Variants in PTPN4 observed in about 807,000 individuals in gnomAD.
The protein encoded by PTPN4 is tyrosine-protein phosphatase non-receptor type 4.
A neutral mutation model predicts 135.5 loss-of-function variants in PTPN4; 49 were observed. The observed-to-expected ratio is 0.36, with a 90% CI of 0.29 to 0.46. The LOEUF (loss-of-function observed/expected upper bound fraction) is 0.46. Ranked by LOEUF, PTPN4 falls within the 20% of genes least tolerant of loss-of-function variation. The pLI is 1.00. For missense variants in PTPN4, 860 were observed against 1,101.0 expected (o/e 0.78, Z 3.10); for synonymous variants, 333 against 369.9 (o/e 0.90, Z 1.14).
intron 22 of PTPN4, among the ~76,000 whole-genome samples, chr2:119,957,499 C>T (rs1679305709): frequency 6.6e-6 from 1 of 151,948 alleles, no homozygotes; most frequent in Admixed American, 6.6e-5. Flanking sequence ...GTAACCATCC[C>T]CACCTCCCAC....
At chr2:119,894,328 T>C (rs1026404042) in intron 9 of PTPN4, among the ~76,000 whole-genome samples, 1 of 152,252 alleles carries the variant, frequency 6.6e-6, no homozygotes, top group Non-Finnish European at 1.5e-5. Flanking sequence ...ACTTTATCCA[T>C]GTCACTCTAC....
Position 119,868,199 on chromosome 2 carries a change from C to T in PTPN4, c.246+5556C>T, listed in dbSNP as rs191984836. 3.9e-5 allele frequency among the ~76,000 whole-genome samples: 6 copies of T among 152,242 alleles called. No individual in the cohort carries two copies. In the East Asian group the frequency reaches 9.6e-4, roughly 24 times the overall value. On this transcript the variant is annotated intron_variant, in intron 3 of 26. Coordinates refer to ENST00000263708, the MANE Select transcript of PTPN4 (RefSeq NM_002830.4). ...GACATTTAATAAATATTTAAAGATG[C>T]ATCCAGGAAATGCAAAGTAAAACCA...
intron 2 of PTPN4, among the ~76,000 whole-genome samples, chr2:119,843,592 G>A (rs542740943): frequency 5.0e-5 from 5 of 100,026 alleles, no homozygotes; most frequent in East Asian, 5.2e-4. Context: ...CTCACCTCCC[G>A]GACGGGGCGG....
chr2:119,892,650 A>C (rs1678256892), intron 9 of PTPN4, among the ~76,000 whole-genome samples: 1 of 152,174 alleles, frequency 6.6e-6, no homozygotes, highest in Admixed American at 6.5e-5. Flanking sequence ...TGTAGTGCGA[A>C]CAAGGAGAGG....
chr2:119,850,309 G>A (rs992009353), intron 2 of PTPN4, among the ~76,000 whole-genome samples: 14 of 152,130 alleles, frequency 9.2e-5, no homozygotes, highest in African/African-American at 3.1e-4. Context: ...TCCTTTACTT[G>A]ATTTGCCTCT....
At chr2:119,854,005 A>C (rs2104981761) in intron 2 of PTPN4, among the ~76,000 whole-genome samples, 1 of 152,288 alleles carries the variant, frequency 6.6e-6, no homozygotes, top group African/African-American at 2.4e-5. Context: ...AACGAAGAGG[A>C]AAACCCTGAG....
chr2:119,828,988 T>A (rs1677183681), intron 2 of PTPN4, among the ~76,000 whole-genome samples: 1 of 152,210 alleles, frequency 6.6e-6, no homozygotes, highest in Admixed American at 6.5e-5. Context: ...AGCTTTCCCC[T>A]GAAACTGGAA....
At chr2:119,883,833 G>A (rs1357263114) in intron 8 of PTPN4, among the ~76,000 whole-genome samples, 1 of 152,190 alleles carries the variant, frequency 6.6e-6, no homozygotes, top group African/African-American at 2.4e-5. Context: ...CTGAAGAAAT[G>A]TTAGCTGTTG....
At chr2:119,774,772 A>G (rs1690800025) in intron 1 of PTPN4, among the ~76,000 whole-genome samples, 1 of 152,148 alleles carries the variant, frequency 6.6e-6, no homozygotes, top group African/African-American at 2.4e-5. Flanking sequence ...TATGCCTATA[A>G]TCCCAGCACT....
intron 10 of PTPN4, among the ~76,000 whole-genome samples, chr2:119,909,132 T>C (rs543816408): frequency 6.6e-6 from 1 of 152,288 alleles, no homozygotes; most frequent in South Asian, 2.1e-4. Context: ...TCTAGCTGTC[T>C]GGCTAAGTGA....
At position 119,932,428 on chromosome 2, in the gene PTPN4, C is replaced by G; in HGVS notation, c.1075C>G (p.Pro359Ala). 1 of 1,602,442 alleles carries G rather than the reference C, an allele frequency of 6.2e-7. No individual in the cohort carries two copies. Among genetic ancestry groups the G allele is most frequent in the Non-Finnish European group, 8.5e-7 (1 of 1,174,332 alleles). ...TTATTTAATTTATTTCTGCAGATCCCCAAGTAAGCCCTTGGCACGGAAATT... is the reference window on the plus strand; with the variant it reads ...TTATTTAATTTATTTCTGCAGATCCGCAAGTAAGCCCTTGGCACGGAAATT... ...ANKDRVFARSPSKPLARKLMD... is the reference protein window; with the variant it reads ...ANKDRVFARSASKPLARKLMD... Residue 359 changes from proline to alanine, a missense_variant, in exon 14 of 27, where the codon CCA becomes GCA. Coordinates refer to ENST00000263708, the MANE Select transcript of PTPN4 (RefSeq NM_002830.4).
At chr2:119,972,948 G>A (rs1466131047) in intron 26 of PTPN4, among the ~76,000 whole-genome samples, 2 of 151,828 alleles carry the variant, frequency 1.3e-5, no homozygotes, top group Admixed American at 1.3e-4. Flanking sequence ...GATTTGATTT[G>A]CTAGCATTTT....
chr2:119,825,210 T>A (rs1223430302), intron 2 of PTPN4, among the ~76,000 whole-genome samples: 1 of 152,226 alleles, frequency 6.6e-6, no homozygotes, highest in Non-Finnish European at 1.5e-5. Flanking sequence ...TTAGAGTATG[T>A]TTCTGTAGAA....
intron 2 of PTPN4, among the ~76,000 whole-genome samples, chr2:119,860,767 G>A (rs140044419): frequency 1.2e-4 from 19 of 152,266 alleles, no homozygotes; most frequent in African/African-American, 2.4e-4. Context: ...TTGGCTAGGC[G>A]CGGTGGCTCA....
rs1166537876 is a variant in PTPN4, at chr2:119,980,419, G to A, written c.*3349G>A. 1 of 152,024 alleles carries A rather than the reference G, an allele frequency of 6.6e-6. No individual in the cohort carries two copies. The highest frequency in any genetic ancestry group is 1.9e-4 in the East Asian group (1 of 5,188). The allele number at this position is 152,024 out of a possible 1,614,324, so 9.4% of individuals were successfully genotyped here. A position where few individuals can be genotyped will look rare whatever the true frequency, so the allele number is the denominator to read the frequency against. ...CTCCACTAGAAGTACTGCAGCTTGA[G>A]AGCTGAAAGGAACTTGAAAAATGTT... is the stretch of plus-strand genomic sequence containing the variant. On this transcript the variant is annotated 3_prime_UTR_variant, in exon 27 of 27. Transcript: ENST00000263708.
intron 2 of PTPN4, among the ~76,000 whole-genome samples, chr2:119,813,239 G>A (rs573499428): frequency 1.3e-5 from 2 of 151,726 alleles, no homozygotes; most frequent in East Asian, 3.9e-4. Flanking sequence ...CACAGTGGCT[G>A]GTTTCTTTCT....
chr2:119,811,040 T>C (rs1691563758), intron 2 of PTPN4, among the ~76,000 whole-genome samples: 1 of 151,956 alleles, frequency 6.6e-6, no homozygotes, highest in African/African-American at 2.4e-5. Flanking sequence ...TTGAAATCTT[T>C]AAGTAATATA....
intron 1 of PTPN4, among the ~76,000 whole-genome samples, chr2:119,766,889 T>C (rs1188679866): frequency 6.6e-6 from 1 of 152,218 alleles, no homozygotes. Context: ...ATTTCTTCTT[T>C]GGCAGCTTCC....
rs185174955 is a variant in PTPN4 at position 119,939,016 on chromosome 2, A to G, written c.1355+4058A>G. Among the ~76,000 whole-genome samples the G allele has an allele frequency of 1.6e-4, 24 of 152,282 alleles. No individual in the cohort carries two copies. The East Asian group carries it at 4.4e-3, about 28-fold the overall frequency. ...CTAATTAGGTGACCTTTGGTGAGTT[A>G]TTTTATCTCCGTAAGCCTGTTTCCT... On this transcript the variant is annotated intron_variant, in intron 15 of 26. Transcript: ENST00000263708.
Sources: allele counts gnomAD v4.1 joint callset (sites outside exome capture counted in the v4.1 genomes callset), GRCh38; gene constraint gnomAD v4.1.1; transcripts MANE v1.5; gene names NCBI Gene and HGNC (gene_info 2026-07-23, HGNC 2026-07-21).